PABPC1L: variants seen among roughly 807,000 people sequenced by gnomAD.
PABPC1L encodes the protein poly(A) binding protein cytoplasmic 1 like.
Under a neutral mutation model 66.6 loss-of-function variants are expected in PABPC1L, and 31 were observed. The ratio of observed to expected loss-of-function variants is 0.47; its 90% confidence interval spans 0.35 to 0.63. The LOEUF is 0.63. Ranked by LOEUF, PABPC1L falls within the 20% of genes least tolerant of loss-of-function variation. The pLI is 0.00. For missense variants in PABPC1L, 722 were observed against 848.8 expected, an observed-to-expected ratio of 0.85 and a Z score of 1.86; for synonymous variants, 348 against 335.1, an observed-to-expected ratio of 1.04 and a Z score of -0.42.
intron 1 of PABPC1L, among the ~76,000 whole-genome samples, 165 bp downstream of exon 1, chr20:44,910,501 G>T (rs1187715131): frequency 2.0e-5 from 3 of 146,342 alleles, no homozygotes; most frequent in Non-Finnish European, 3.0e-5. Context: ...CCTGAGACGG[G>T]AATTGGTAAT....
intron 7 of PABPC1L, among the ~76,000 whole-genome samples, chr20:44,928,976 A>AG (rs1568648559): frequency 1.3e-5 from 2 of 152,068 alleles, no homozygotes; most frequent in East Asian, 3.9e-4. Flanking sequence ...CCCTAAAAAA[A>AG]GGTTAAAAAC....
intron 12 of PABPC1L, 121 bp from the exon 13 acceptor site, chr20:44,937,940 C>T: frequency 7.4e-7 from 1 of 1,356,494 alleles, no homozygotes; most frequent in East Asian, 2.4e-5. Flanking sequence ...ATGTCATAGC[C>T]TAGAAGGAGC....
In PABPC1L at chr20:44,912,846, C is replaced by T; in HGVS notation, c.380C>T (p.Ser127Phe). The stretch of plus-strand genomic sequence containing the variant: ...TTCTCCACCTTTGGGAACATCCTCT[C>T]TTGCAAGGTAGAGGATGAAGGGTGT... Reference protein sequence around the residue: ...DTFSTFGNILSCKVACDEHGS... With the variant: ...DTFSTFGNILFCKVACDEHGS... The change falls in exon 2 of 15, where the codon TCT becomes TTT. Residue 127 changes from serine to phenylalanine, a missense_variant. By Grantham distance (155) the Ser-to-Phe change is radical. This residue lies in a region of PABPC1L where 284 missense variants were observed against 294.8 expected (regional missense o/e 0.96). Transcript: ENST00000217073. 1 of 1,613,650 alleles carries T rather than the reference C, an allele frequency of 6.2e-7. No individual in the cohort carries two copies. The highest frequency in any genetic ancestry group is 8.5e-7 in the Non-Finnish European group (1 of 1,179,600).
At chr20:44,935,838 G>C (rs1387371008) in intron 11 of PABPC1L, among the ~76,000 whole-genome samples, 1 of 152,126 alleles carries the variant, frequency 6.6e-6, no homozygotes, top group Non-Finnish European at 1.5e-5. Flanking sequence ...TGTAATCAAA[G>C]ACTGTGTATT....
chr20:44,935,581 T>G, intron 11 of PABPC1L, 84 bp downstream of exon 11: 1 of 1,108,868 alleles, frequency 9.0e-7, no homozygotes, highest in South Asian at 1.5e-5. Flanking sequence ...GGGCCTTGGC[T>G]TTTTTTCTTT....
intron 1 of PABPC1L, among the ~76,000 whole-genome samples, chr20:44,911,383 G>C (rs1182114224): frequency 6.6e-6 from 1 of 152,206 alleles, no homozygotes; most frequent in Non-Finnish European, 1.5e-5. Context: ...AGAATCGCTT[G>C]AATCCGGGAG....
chr20:44,938,183 C>T lies in PABPC1L; in HGVS notation c.1783C>T (p.His595Tyr), dbSNP rs1019190546. 1.9e-6 allele frequency: 3 copies of T among 1,613,726 alleles called. No individual in the cohort carries two copies. In the African/African-American group the frequency reaches 4.0e-5, roughly 22 times the overall value. Reference sequence around the variant, plus strand: ...CATGCTGGAGTCTCCAGAATCCCTCCATGCCAAGGTAAGCAGGAGCCTGGG... The same window carrying T: ...CATGCTGGAGTCTCCAGAATCCCTCTATGCCAAGGTAAGCAGGAGCCTGGG... ...LLMLESPESLHAKIDEAVAVL... is the reference protein window; with the variant it reads ...LLMLESPESLYAKIDEAVAVL... Residue 595 changes from histidine to tyrosine, a missense_variant, in exon 13 of 15, where the codon CAT becomes TAT. His to Tyr is a moderately conservative substitution (Grantham distance 83). This residue lies in a region of PABPC1L where 301 missense variants were observed against 337.2 expected (regional missense o/e 0.89). Transcript: ENST00000217073.
Position 44,935,429 on chromosome 20 carries a change from G to C in PABPC1L, c.1498G>C (p.Gly500Arg), listed in dbSNP as rs1198787472. Residue 500 changes from glycine to arginine, a missense_variant, in exon 11 of 15, where the codon GGA (glycine) becomes CGA (arginine). Physicochemically the swap from Gly to Arg is moderately radical, Grantham distance 125. Transcript: ENST00000217073. ...TCAGACCACAGGACCCAGTGGGGTA[G>C]GATGCTGTACACCAGGCCGGCCGCT... ...GTQTTGPSGV[G>R]CCTPGRPLLP... The C allele has an allele frequency of 6.2e-7, 1 of 1,614,198 alleles. No homozygotes were observed. Among genetic ancestry groups the C allele is most frequent in the South Asian group, 1.1e-5 (1 of 91,076 alleles).
intron 4 of PABPC1L, 27 bp downstream of exon 4, chr20:44,919,072 G>C: frequency 6.2e-7 from 1 of 1,610,952 alleles, no homozygotes; most frequent in South Asian, 1.1e-5. Flanking sequence ...GGGAGCGGGG[G>C]GATCACTGTT....
chr20:44,925,695 TGTC>T, intron 7 of PABPC1L, among the ~76,000 whole-genome samples: 1 of 152,170 alleles, frequency 6.6e-6, no homozygotes, highest in Non-Finnish European at 1.5e-5. Flanking sequence ...GAAAAAAGGT[TGTC>T]TTTTAGGTTA....
chr20:44,920,801 A>C (rs1270232618), intron 5 of PABPC1L, among the ~76,000 whole-genome samples: 1 of 151,064 alleles, frequency 6.6e-6, no homozygotes, highest in Non-Finnish European at 1.5e-5. Context: ...AAAATTTGCA[A>C]ATCTCAATTT....
chr20:44,921,825 C>G, intron 6 of PABPC1L, 94 bp downstream of exon 6: 1 of 1,559,238 alleles, frequency 6.4e-7, no homozygotes, highest in South Asian at 1.2e-5. Context: ...AGTGATCCTA[C>G]TTCTGGGCAC....
intron 3 of PABPC1L, among the ~76,000 whole-genome samples, chr20:44,918,158 T>G (rs2066749627): frequency 6.6e-6 from 1 of 152,064 alleles, no homozygotes; most frequent in African/African-American, 2.4e-5. Flanking sequence ...AAACTCCATC[T>G]CTACCAAAAA....
intron 7 of PABPC1L, among the ~76,000 whole-genome samples, chr20:44,928,876 A>G (rs1417959087): frequency 4.0e-5 from 6 of 150,346 alleles, no homozygotes; most frequent in African/African-American, 1.5e-4. Flanking sequence ...AAAAAAAAAA[A>G]AAAAAAAAAG....
chr20:44,938,855 C>T lies in PABPC1L; in HGVS notation c.*6+107C>T, dbSNP rs962993993. The T allele has an allele frequency of 7.3e-6, 8 of 1,095,362 alleles. No homozygotes were observed. The African/African-American group carries it at 1.2e-4, about 17-fold the overall frequency. The allele number at this position is 1,095,362 out of a possible 1,614,324, so 67.9% of individuals were successfully genotyped here. On this transcript the variant is annotated intron_variant, in intron 14 of 14. Coordinates refer to ENST00000217073, the MANE Select transcript of PABPC1L (RefSeq NM_001372179.1). ...AGAATTGCGCCGTGTTCCTGGCTTT[C>T]TCTGAAGCACCAAAGAGTTTGGAGG...
At chr20:44,928,864 C>CAAAAAAGAAAAA (rs2066829023) in intron 7 of PABPC1L, among the ~76,000 whole-genome samples, 1 of 54,358 alleles carries the variant, frequency 1.8e-5, no homozygotes, top group Admixed American at 2.8e-4. Context: ...GATCCTGACT[C>CAAAAAAGAAAAA]AAAAAAAAAA....
At chr20:44,937,844 G>A (rs779716104) in intron 12 of PABPC1L, 2 of 596,220 alleles carry the variant, frequency 3.4e-6, no homozygotes, top group Non-Finnish European at 5.6e-6. Context: ...TCCTGGCTGG[G>A]CCCTGGACAC....
chr20:44,922,430 G>A (rs1261147131), intron 6 of PABPC1L, among the ~76,000 whole-genome samples: 2 of 151,938 alleles, frequency 1.3e-5, no homozygotes, highest in African/African-American at 4.8e-5. Context: ...TAGAGACAGG[G>A]TTTCACCATG....
intron 5 of PABPC1L, among the ~76,000 whole-genome samples, chr20:44,919,915 G>C (rs553394973): frequency 6.6e-6 from 1 of 152,198 alleles, no homozygotes; most frequent in African/African-American, 2.4e-5. Flanking sequence ...CATTATGAGA[G>C]AATTATGCTT....
Sources: gnomAD v4.1 joint callset for allele counts (sites outside exome capture counted in the v4.1 genomes callset) on GRCh38, gnomAD v4.1.1 for gene constraint, gnomAD v4.1.1 regional missense constraint, MANE v1.5 for transcripts, NCBI Gene and HGNC (gene_info 2026-07-23, HGNC 2026-07-21) for gene names.